Variants in TPD52L1 observed in about 807,000 individuals in gnomAD.
TPD52L1 encodes tumor protein D53.
TPD52L1 carries 18 observed loss-of-function variants against 28.7 expected under a neutral mutation model. The ratio of observed to expected loss-of-function variants is 0.63; its 90% confidence interval spans 0.43 to 0.93. The LOEUF is 0.93. Among genes scored for constraint, TPD52L1 ranks in the 40% least tolerant of loss-of-function variants. TPD52L1 has a pLI of 0.00. For missense variants in TPD52L1, 203 were observed against 254.8 expected, an observed-to-expected ratio of 0.80 and a Z score of 1.39; for synonymous variants, 75 against 88.8, an observed-to-expected ratio of 0.84 and a Z score of 0.88.
In TPD52L1 at chr6:125,182,193, G is replaced by T. The variant is rs902032595; in HGVS notation, c.19+28223G>T. 2.6e-5 allele frequency among the ~76,000 whole-genome samples: 4 copies of T among 152,298 alleles called. No individual in the cohort carries two copies. In the East Asian group the frequency reaches 5.8e-4, roughly 22 times the overall value. ...ATTTATAAACATATATTACTTGGCTGGGCATCATACAAACCAATTTAAACC... is the reference window on the plus strand; with the variant it reads ...ATTTATAAACATATATTACTTGGCTTGGCATCATACAAACCAATTTAAACC... On this transcript the variant is annotated intron_variant, in intron 1 of 6. Coordinates refer to ENST00000534000, the MANE Select transcript of TPD52L1 (RefSeq NM_003287.4).
intron 4 of TPD52L1, among the ~76,000 whole-genome samples, chr6:125,251,678 C>A (rs942504953): frequency 6.6e-6 from 1 of 152,038 alleles, no homozygotes; most frequent in African/African-American, 2.4e-5. Flanking sequence ...GAAATCCAAG[C>A]GGTTGGAATC....
intron 3 of TPD52L1, among the ~76,000 whole-genome samples, chr6:125,238,711 T>C (rs1480104046): frequency 6.6e-6 from 1 of 152,218 alleles, no homozygotes; most frequent in Non-Finnish European, 1.5e-5. Flanking sequence ...CCATGGTATG[T>C]AGGAATATAT....
chr6:125,222,650 G>A (rs1316986570), intron 2 of TPD52L1, among the ~76,000 whole-genome samples: 1 of 152,170 alleles, frequency 6.6e-6, no homozygotes, highest in Admixed American at 6.6e-5. Context: ...AGCCTTGAAG[G>A]AATGTGAATA....
chr6:125,229,801 G>C (rs1795835022), intron 3 of TPD52L1, among the ~76,000 whole-genome samples: 2 of 152,152 alleles, frequency 1.3e-5, no homozygotes, highest in African/African-American at 4.8e-5. Context: ...CAGTTTTAGA[G>C]CTTGGTTTAG....
chr6:125,170,763 C>T (rs985935809), intron 1 of TPD52L1, among the ~76,000 whole-genome samples: 1 of 152,158 alleles, frequency 6.6e-6, no homozygotes, highest in African/African-American at 2.4e-5. Flanking sequence ...CTTCTTATTT[C>T]TAACACCTGT....
intron 1 of TPD52L1, among the ~76,000 whole-genome samples, chr6:125,165,390 G>T (rs373182231): frequency 6.6e-6 from 1 of 152,132 alleles, no homozygotes; most frequent in East Asian, 1.9e-4. Context: ...CTCAAGGAAA[G>T]ATGAATTTTA....
intron 3 of TPD52L1, among the ~76,000 whole-genome samples, chr6:125,231,558 TC>T (rs1328921243): frequency 6.6e-6 from 1 of 152,214 alleles, no homozygotes; most frequent in Non-Finnish European, 1.5e-5. Context: ...CTAGATTTAT[TC>T]CCTGGGGTTA....
chr6:125,189,238 A>G (rs1009692454), intron 1 of TPD52L1, among the ~76,000 whole-genome samples: 2 of 152,242 alleles, frequency 1.3e-5, no homozygotes, highest in African/African-American at 4.8e-5. Flanking sequence ...TTTTATAATA[A>G]TAACCCCAGT....
At chr6:125,176,454 G>A (rs1433606128) in intron 1 of TPD52L1, among the ~76,000 whole-genome samples, 2 of 152,144 alleles carry the variant, frequency 1.3e-5, no homozygotes, top group African/African-American at 2.4e-5. Flanking sequence ...TTTCAATGGA[G>A]AGTATTTTTA....
In TPD52L1 at chr6:125,206,511, G is replaced by A. The variant is rs555335667; in HGVS notation, c.20-13567G>A. 2.4e-4 allele frequency among the ~76,000 whole-genome samples: 37 copies of A among 152,210 alleles called. 1 individual carries two copies. The South Asian group carries it at 7.7e-3, about 32-fold the overall frequency. ...TTACAAGAGAAACAGAGGAAAAAGA[G>A]GTTTTCTAGAGTGACAGATGGCACT... On this transcript the variant is annotated intron_variant, in intron 1 of 6. Transcript: ENST00000534000.
intron 1 of TPD52L1, among the ~76,000 whole-genome samples, chr6:125,155,310 A>T (rs1353795415): frequency 6.6e-6 from 1 of 152,260 alleles, no homozygotes; most frequent in Non-Finnish European, 1.5e-5. Flanking sequence ...GAGAGTCTTC[A>T]TTACTGGCCT....
chr6:125,245,225 C>G (rs1054214869), intron 3 of TPD52L1, among the ~76,000 whole-genome samples: 2 of 152,148 alleles, frequency 1.3e-5, no homozygotes, highest in South Asian at 2.1e-4. Context: ...TGTGGACAGA[C>G]TCAGGACCTC....
intron 1 of TPD52L1, among the ~76,000 whole-genome samples, chr6:125,194,535 A>T (rs1253637323): frequency 6.6e-6 from 1 of 152,198 alleles, no homozygotes; most frequent in African/African-American, 2.4e-5. Context: ...TACTATCCTT[A>T]GGTTCCCCTG....
At chr6:125,193,823 G>A (rs1349987974) in intron 1 of TPD52L1, among the ~76,000 whole-genome samples, 1 of 152,070 alleles carries the variant, frequency 6.6e-6, no homozygotes, top group Non-Finnish European at 1.5e-5. Flanking sequence ...GGTTTTCACT[G>A]AGCAACTGCT....
intron 1 of TPD52L1, among the ~76,000 whole-genome samples, chr6:125,202,749 T>TA (rs1178764677): frequency 1.3e-5 from 2 of 148,192 alleles, no homozygotes; most frequent in African/African-American, 5.0e-5. Context: ...GGCTGAGTGT[T>TA]ACATTTGGAG....
In TPD52L1 at chr6:125,220,151, C is replaced by T. The variant is rs1369615157; in HGVS notation, c.93C>T (p.Leu31=). 1 of 1,613,764 alleles carries T rather than the reference C, an allele frequency of 6.2e-7. No individual in the cohort carries two copies. The highest frequency in any genetic ancestry group is 1.1e-5 in the South Asian group (1 of 91,058). ...AVASADFSSM[L]SEEEKEELKA... is the part of the protein sequence containing the mutation. ...CCAGTGCTGACTTCTCTAGCATGCT[C>T]TCTGAGGAGGAAAAGGAAGAGTTAA... Residue 31 remains leucine (L), a synonymous_variant, in exon 2 of 7, where the codon CTC becomes CTT. Coordinates refer to ENST00000534000, the MANE Select transcript of TPD52L1 (RefSeq NM_003287.4).
chr6:125,220,246 A>G, intron 2 of TPD52L1, 53 bp downstream of exon 2: 1 of 1,174,882 alleles, frequency 8.5e-7, no homozygotes, highest in Non-Finnish European at 1.3e-6. Context: ...CTTAAGAGTT[A>G]TTATTAGTTT....
intron 2 of TPD52L1, among the ~76,000 whole-genome samples, chr6:125,228,221 G>A (rs951680933): frequency 1.1e-4 from 17 of 152,232 alleles, no homozygotes; most frequent in African/African-American, 4.1e-4. Context: ...TTGGGGGAAA[G>A]GAAAGAAGAG....
At chr6:125,260,956 GAA>G (rs1424949903) in intron 6 of TPD52L1, 1 of 42,752 alleles carries the variant, frequency 2.3e-5, no homozygotes, top group African/African-American at 2.3e-4. Flanking sequence ...AAGAAAGAAA[GAA>G]AGAAAGAAAG....
Sources: gnomAD v4.1 joint callset for allele counts (sites outside exome capture counted in the v4.1 genomes callset) on GRCh38, gnomAD v4.1.1 for gene constraint, MANE v1.5 for transcripts, NCBI Gene and HGNC (gene_info 2026-07-23, HGNC 2026-07-21) for gene names.